The following ARID3A variants were observed in gnomAD, a reference collection of about 807,000 sequenced individuals.
ARID3A encodes AT-rich interactive domain-containing protein 3A.
A neutral mutation model predicts 52.7 loss-of-function variants in ARID3A; 11 were observed. The ratio of observed to expected loss-of-function variants is 0.21; its 90% CI spans 0.13 to 0.35. The LOEUF (loss-of-function observed/expected upper bound fraction) is 0.35, where lower values mean the gene tolerates loss of function less well. Among genes scored for constraint, ARID3A ranks in the 10% least tolerant of loss-of-function variants. ARID3A has a pLI of 1.00. For missense variants in ARID3A, 721 were observed against 838.5 expected (o/e 0.86, Z 1.73); for synonymous variants, 404 against 359.4 (o/e 1.12, Z -1.40).
rs146132253 is a variant in ARID3A at position 968,475 on chromosome 19, G to A, written c.1566G>A (p.Ser522=). The change falls in exon 8 of 9, where the codon TCG becomes TCA. Residue 522 remains serine (S), a synonymous_variant. Coordinates refer to ENST00000263620, the MANE Select transcript of ARID3A (RefSeq NM_005224.3). The part of the protein sequence containing the change: ...GTNGSNSISM[S]VEINGIMYTG... ...ACGGCAGCAACAGCATCAGCATGTC[G>A]GTGGAGATCAACGGCATCATGTACA... 7,503 of 1,613,950 alleles carry A rather than the reference G, an allele frequency of 4.6e-3. 40 individuals are homozygous for A. The highest frequency in any genetic ancestry group is 0.017 in the Middle Eastern group (106 of 6,060).
intron 3 of ARID3A, among the ~76,000 whole-genome samples, chr19:940,746 G>T (rs1030543750): frequency 2.0e-5 from 3 of 152,182 alleles, no homozygotes; most frequent in Non-Finnish European, 4.4e-5. Flanking sequence ...TCGGCCGCCA[G>T]CCCTGGTGCC....
chr19:930,547 T>G (rs1440080485), intron 2 of ARID3A, among the ~76,000 whole-genome samples: 2 of 149,708 alleles, frequency 1.3e-5, no homozygotes, highest in Non-Finnish European at 3.0e-5. Context: ...CTTGCTCTTT[T>G]CGCCCAGGCT....
At position 938,245 on chromosome 19, in the gene ARID3A, A is replaced by G. The variant is rs2037476478; in HGVS notation, c.693+5503A>G. Among the ~76,000 whole-genome samples, 1 of 152,118 alleles carries G rather than the reference A, an allele frequency of 6.6e-6. No homozygotes were observed. ...TCAGGATCTCTCCCTCTGCTTTCCA[A>G]AGTAAAGCTTGCTGCCCATGTAACT... On this transcript the variant is annotated intron_variant, in intron 3 of 8. Coordinates refer to ENST00000263620, the MANE Select transcript of ARID3A (RefSeq NM_005224.3). The surrounding 1 kb of genome is among the most constrained non-coding windows in gnomAD (Gnocchi z 4.0).
rs550161889 is a variant in ARID3A, at chr19:974,900, G to C, written c.*2835G>C. 1.8e-5 allele frequency: 4 copies of C among 226,378 alleles called. No individual in the cohort carries two copies. The highest frequency in any genetic ancestry group is 8.9e-5 in the African/African-American group (4 of 44,948). The allele number at this position is 226,378 out of a possible 1,614,324, so 14.0% of individuals were successfully genotyped here. On this transcript the variant is annotated 3_prime_UTR_variant, in exon 9 of 9. Coordinates refer to ENST00000263620, the MANE Select transcript of ARID3A (RefSeq NM_005224.3). ...GGGGGTGGGCGCGAGGCTGGGTCCC[G>C]GCCCAGGAGAAGGAAGTCGCTGAAG...
intron 2 of ARID3A, among the ~76,000 whole-genome samples, chr19:930,546 T>G (rs1298999493): frequency 5.3e-5 from 8 of 150,072 alleles, no homozygotes; most frequent in South Asian, 2.1e-4. Context: ...TCTTGCTCTT[T>G]TCGCCCAGGC....
At chr19:957,448 G>A (rs1218051493) in intron 3 of ARID3A, among the ~76,000 whole-genome samples, 7 of 152,206 alleles carry the variant, frequency 4.6e-5, no homozygotes, top group African/African-American at 7.2e-5. Flanking sequence ...ATGCGCTCCC[G>A]TCCGACCCTC....
At position 949,882 on chromosome 19, in the gene ARID3A, G is replaced by A. The variant is rs2037769040; in HGVS notation, c.694-10210G>A. Reference sequence around the variant, plus strand: ...GTAGAGACGGGGTTTCTCCATGTTGGCCAGGCTGGGACTCCTGACCTCAGG... The same window carrying A: ...GTAGAGACGGGGTTTCTCCATGTTGACCAGGCTGGGACTCCTGACCTCAGG... On this transcript the variant is annotated intron_variant, in intron 3 of 8. Transcript: ENST00000263620. Among the ~76,000 whole-genome samples, 3 of 150,778 alleles carry A rather than the reference G, an allele frequency of 2.0e-5. No individual in the cohort carries two copies. The South Asian group carries it at 6.3e-4, about 32-fold the overall frequency.
At position 942,914 on chromosome 19, in the gene ARID3A, G is replaced by C. The variant is rs1383471709; in HGVS notation, c.693+10172G>C. Among the ~76,000 whole-genome samples, 6 of 152,152 alleles carry C rather than the reference G, an allele frequency of 3.9e-5. No individual in the cohort carries two copies. Among genetic ancestry groups the C allele is most frequent in the Admixed American group, 6.5e-5 (1 of 15,272 alleles). ...CAAGATGGGACTGCATTTGGAAATA[G>C]GGTCTCTGAAGATGTTAGTTTCAGT... On this transcript the variant is annotated intron_variant, in intron 3 of 8. Transcript: ENST00000263620. This position sits in a 1 kb window ranked among gnomAD's most constrained non-coding sequence, Gnocchi z 8.1.
At chr19:926,751 C>G (rs1236955029) in intron 1 of ARID3A, among the ~76,000 whole-genome samples, 1 of 151,564 alleles carries the variant, frequency 6.6e-6, no homozygotes, top group Non-Finnish European at 1.5e-5. Flanking sequence ...TGACCCGTTT[C>G]AGGGCCCCCC....
At chr19:954,671 G>A (rs1280390440) in intron 3 of ARID3A, among the ~76,000 whole-genome samples, 1 of 152,156 alleles carries the variant, frequency 6.6e-6, no homozygotes, top group Non-Finnish European at 1.5e-5. Context: ...GTGGGTGGGA[G>A]CAGAGCATCT....
rs977118512 is a variant in ARID3A, at chr19:938,949, G to C, written c.693+6207G>C. Among the ~76,000 whole-genome samples the C allele has an allele frequency of 4.4e-5, 2 of 45,448 alleles. No individual in the cohort carries two copies. Among genetic ancestry groups the C allele is most frequent in the African/African-American group, 1.7e-4 (2 of 11,968 alleles). The allele number at this position is 45,448 out of a possible 152,430, so 29.8% of individuals were successfully genotyped here. On this transcript the variant is annotated intron_variant, in intron 3 of 8. Transcript: ENST00000263620. This position sits in a 1 kb window ranked among gnomAD's most constrained non-coding sequence, Gnocchi z 4.0. ...ATCTCTCTTTTTTTTTTTTTTTTTT[G>C]AGACGGAGTCTTGTTTTGTCACCCA... is the stretch of plus-strand genomic sequence containing the variant.
chr19:939,536 T>C (rs181632070), intron 3 of ARID3A, among the ~76,000 whole-genome samples: 40 of 152,254 alleles, frequency 2.6e-4, no homozygotes, highest in Admixed American at 2.6e-3. Flanking sequence ...ATGAGCCGCA[T>C]GTTCTCCAGG....
In ARID3A at chr19:975,875, T is replaced by TGTA. The variant is rs1296541003; in HGVS notation, c.*3811_*3813dup. 5.4e-6 allele frequency: 1 copy of TGTA among 184,010 alleles called. No individual in the cohort carries two copies. The highest frequency in any genetic ancestry group is 1.2e-5 in the Non-Finnish European group (1 of 86,760). 11.4% of individuals were successfully genotyped at this position (184,010 alleles called of 1,614,324 possible). A position where few individuals can be genotyped will look rare whatever the true frequency, so the allele number is the denominator to read the frequency against. Reference sequence around the variant, plus strand: ...AAACTTCAGAAATATTTAAGACGATTGTAACCCTGTAAAGCTGATGAGATA... The same window carrying TGTA: ...AAACTTCAGAAATATTTAAGACGATTGTAGTAACCCTGTAAAGCTGATGAGATA... On this transcript the variant is annotated 3_prime_UTR_variant, in exon 9 of 9. Coordinates refer to ENST00000263620, the MANE Select transcript of ARID3A (RefSeq NM_005224.3).
intron 3 of ARID3A, among the ~76,000 whole-genome samples, chr19:937,864 G>A (rs1045004270): frequency 6.6e-6 from 1 of 151,546 alleles, no homozygotes; most frequent in South Asian, 2.1e-4. Context: ...CTGCCACCAC[G>A]CCCAGCTAAT....
rs567223418 is a variant in ARID3A, at chr19:974,845, C to T, written c.*2780C>T. ...GAGGACTTGAGCCTGCTGTTAACTC[C>T]GATGATTGTAGGGACAGGCGGGGTG... is the stretch of plus-strand genomic sequence containing the variant. On this transcript the variant is annotated 3_prime_UTR_variant, in exon 9 of 9. Transcript: ENST00000263620. 1.9e-5 allele frequency: 4 copies of T among 208,258 alleles called. No homozygotes were observed. Among genetic ancestry groups the T allele is most frequent in the East Asian group, 6.4e-5 (1 of 15,704 alleles). 12.9% of individuals were successfully genotyped at this position (208,258 alleles called of 1,614,324 possible). A position where few individuals can be genotyped will look rare whatever the true frequency, so the allele number is the denominator to read the frequency against.
intron 7 of ARID3A, 65 bp from the exon 8 acceptor site, chr19:968,340 C>G (rs2038205489): frequency 7.0e-7 from 1 of 1,432,246 alleles, no homozygotes; most frequent in Admixed American, 1.9e-5. Context: ...GCCTGGGCAA[C>G]AGAGCAAGAC....
rs1261655713 is a variant in ARID3A at position 941,792 on chromosome 19, T to A, written c.693+9050T>A. ...GTGTGGATGTGGCTGTGTGTGTGTG[T>A]GTGTGTGTGTGTGTGTCAGGGGTGG... is the stretch of plus-strand genomic sequence containing the variant. On this transcript the variant is annotated intron_variant, in intron 3 of 8. Transcript: ENST00000263620. This position sits in a 1 kb window ranked among gnomAD's most constrained non-coding sequence, Gnocchi z 6.9. Among the ~76,000 whole-genome samples the A allele has an allele frequency of 6.7e-6, 1 of 150,168 alleles. No individual in the cohort carries two copies.
Position 973,703 on chromosome 19 carries a change from T to G in ARID3A, c.*1638T>G. On this transcript the variant is annotated 3_prime_UTR_variant, in exon 9 of 9. Transcript: ENST00000263620. ...CTTCCTCTTCTCCCAACCCCTTTTG[T>G]GCTGGGGCTGCGAGCTCCCCGAGTT... 4.4e-6 allele frequency: 1 copy of G among 227,044 alleles called. No individual in the cohort carries two copies. The highest frequency in any genetic ancestry group is 2.2e-5 in the African/African-American group (1 of 45,008). The allele number at this position is 227,044 out of a possible 1,614,324, so 14.1% of individuals were successfully genotyped here. A position where few individuals can be genotyped will look rare whatever the true frequency, so the allele number is the denominator to read the frequency against.
chr19:926,930 C>T (rs1044121079), intron 1 of ARID3A, among the ~76,000 whole-genome samples: 6 of 152,002 alleles, frequency 3.9e-5, no homozygotes, highest in African/African-American at 9.7e-5. Flanking sequence ...CTTTGAAATC[C>T]GGACCAGGGT....
Sources: gnomAD v4.1 joint callset for allele counts (sites outside exome capture counted in the v4.1 genomes callset) on GRCh38, gnomAD v4.1.1 for gene constraint, Gnocchi (gnomAD v3.1) non-coding constraint, MANE v1.5 for transcripts, NCBI Gene and HGNC (gene_info 2026-07-23, HGNC 2026-07-21) for gene names.